NALF1: variants seen among roughly 807,000 people sequenced by gnomAD.
NALF1 encodes the protein family with sequence similarity 155 member A.
NALF1 carries 3 observed loss-of-function variants against 48.4 expected under a neutral mutation model. That is an observed-to-expected ratio of 0.06 (90% CI 0.03 to 0.16). NALF1 has a LOEUF of 0.16. Among genes scored for constraint, NALF1 ranks in the 10% least tolerant of loss-of-function variants. NALF1 has a pLI of 1.00. For missense variants in NALF1, 526 were observed against 571.5 expected (o/e 0.92, Z 0.81); for synonymous variants, 262 against 245.7 (o/e 1.07, Z -0.62).
At chr13:107,282,024 T>G (rs973718009) in intron 1 of NALF1, among the ~76,000 whole-genome samples, 4 of 152,166 alleles carry the variant, frequency 2.6e-5, no homozygotes, top group Admixed American at 1.3e-4. Context: ...CACCATATCA[T>G]TGACCCAGAA....
chr13:107,589,962 A>G (rs1878561434), intron 1 of NALF1, among the ~76,000 whole-genome samples: 1 of 151,958 alleles, frequency 6.6e-6, no homozygotes, highest in South Asian at 2.1e-4. Context: ...TCTATTACGA[A>G]TAGATTACTA....
intron 1 of NALF1, among the ~76,000 whole-genome samples, chr13:107,390,115 A>G (rs1326126221): frequency 6.6e-6 from 1 of 152,134 alleles, no homozygotes; most frequent in Admixed American, 6.6e-5. Context: ...CACACCTGTA[A>G]TCCCAACAAT....
At position 107,592,359 on chromosome 13, in the gene NALF1, G is replaced by A. The variant is rs185692785; in HGVS notation, c.915+273323C>T. Among the ~76,000 whole-genome samples, 20 of 151,966 alleles carry A rather than the reference G, an allele frequency of 1.3e-4. No individual in the cohort carries two copies. In the East Asian group the frequency reaches 3.7e-3, roughly 28 times the overall value. ...CAATTAAACATTGCATAGATCTGTA[G>A]CTTATTCTAGCAAGAGGAAGAATTC... On this transcript the variant is annotated intron_variant, in intron 1 of 2. Transcript: ENST00000375915.
intron 1 of NALF1, among the ~76,000 whole-genome samples, chr13:107,716,768 T>C: frequency 6.6e-6 from 1 of 152,142 alleles, no homozygotes; most frequent in Non-Finnish European, 1.5e-5. Context: ...GTCATAAATG[T>C]TGAATTTGGT....
chr13:107,364,643 G>A (rs1028302336), intron 1 of NALF1, among the ~76,000 whole-genome samples: 14 of 152,106 alleles, frequency 9.2e-5, no homozygotes, highest in Non-Finnish European at 1.5e-5. Flanking sequence ...ATAGAACAAA[G>A]AAATAAGTGA....
At position 107,836,679 on chromosome 13, in the gene NALF1, T is replaced by A. The variant is rs187789356; in HGVS notation, c.915+29003A>T. ...TATGAAGGGTACTTAACAGTATTTT[T>A]CTAGCTATGAAAGTCCTCGCCTGAT... On this transcript the variant is annotated intron_variant, in intron 1 of 2. Transcript: ENST00000375915. Among the ~76,000 whole-genome samples the A allele has an allele frequency of 4.6e-4, 70 of 152,332 alleles. No individual in the cohort carries two copies. In the Middle Eastern group the frequency reaches 0.02, roughly 44 times the overall value.
At chr13:107,854,270 C>T (rs1182795806) in intron 1 of NALF1, among the ~76,000 whole-genome samples, 1 of 152,212 alleles carries the variant, frequency 6.6e-6, no homozygotes, top group Non-Finnish European at 1.5e-5. Flanking sequence ...CCATACTTGG[C>T]CAAACCTCCA....
chr13:107,528,494 A>C (rs1876517615), intron 1 of NALF1, among the ~76,000 whole-genome samples: 1 of 152,122 alleles, frequency 6.6e-6, no homozygotes, highest in Non-Finnish European at 1.5e-5. Flanking sequence ...TTTTTACATT[A>C]TGAAATTATT....
chr13:107,249,370 C>T (rs535415565), intron 1 of NALF1, among the ~76,000 whole-genome samples: 1 of 152,036 alleles, frequency 6.6e-6, no homozygotes, highest in East Asian at 1.9e-4. Context: ...ACAAAAACAA[C>T]ATTATCTCAA....
chr13:107,708,477 G>T (rs1875468649), intron 1 of NALF1, among the ~76,000 whole-genome samples: 1 of 148,742 alleles, frequency 6.7e-6, no homozygotes, highest in South Asian at 2.2e-4. Context: ...TAAATATCTG[G>T]GGTAGGACTA....
intron 1 of NALF1, among the ~76,000 whole-genome samples, chr13:107,540,384 T>A (rs926159001): frequency 6.6e-6 from 1 of 151,868 alleles, no homozygotes; most frequent in Non-Finnish European, 1.5e-5. Flanking sequence ...AGCAGTTTTT[T>A]AATATACTTA....
At chr13:107,687,266 A>C (rs950168987) in intron 1 of NALF1, among the ~76,000 whole-genome samples, 1 of 152,078 alleles carries the variant, frequency 6.6e-6, no homozygotes, top group Non-Finnish European at 1.5e-5. Context: ...ATGGACATAA[A>C]GATGGAAACA....
intron 1 of NALF1, among the ~76,000 whole-genome samples, chr13:107,581,187 C>T (rs1053898179): frequency 9.9e-5 from 15 of 152,064 alleles, no homozygotes; most frequent in South Asian, 2.1e-4. Flanking sequence ...TGTTTCAAGA[C>T]GGTATTTGTC....
chr13:107,570,480 TG>T (rs1197781825), intron 1 of NALF1, among the ~76,000 whole-genome samples: 6 of 151,934 alleles, frequency 3.9e-5, no homozygotes, highest in Non-Finnish European at 7.4e-5. Flanking sequence ...TTTGATACGA[TG>T]GATTAGATTG....
chr13:107,690,753 T>C (rs1177021293), intron 1 of NALF1, among the ~76,000 whole-genome samples: 1 of 152,214 alleles, frequency 6.6e-6, no homozygotes, highest in Non-Finnish European at 1.5e-5. Context: ...GATCGAATGA[T>C]GCATTGAGGA....
At chr13:107,401,322 C>A in intron 1 of NALF1, among the ~76,000 whole-genome samples, 1 of 152,140 alleles carries the variant, frequency 6.6e-6, no homozygotes, top group Non-Finnish European at 1.5e-5. Context: ...TGGTTTCAGG[C>A]ATCCCTAGGA....
chr13:107,444,416 G>T (rs1218947673), intron 1 of NALF1, among the ~76,000 whole-genome samples: 3 of 152,082 alleles, frequency 2.0e-5, no homozygotes, highest in Non-Finnish European at 4.4e-5. Flanking sequence ...CTTTTCTATA[G>T]GGAAGGGGAG....
At chr13:107,835,773 G>A (rs549281858) in intron 1 of NALF1, among the ~76,000 whole-genome samples, 51 of 152,286 alleles carry the variant, frequency 3.3e-4, no homozygotes, top group Non-Finnish European at 6.8e-4. Context: ...CTTACTCTGT[G>A]CCAGGCTGGG....
At chr13:107,783,514 A>G (rs2138580855) in intron 1 of NALF1, among the ~76,000 whole-genome samples, 2 of 152,296 alleles carry the variant, frequency 1.3e-5, no homozygotes, top group East Asian at 3.9e-4. Context: ...TTTGTTCTGT[A>G]CTAAGAAAAA....
Sources: gnomAD v4.1 joint callset for allele counts (sites outside exome capture counted in the v4.1 genomes callset) on GRCh38, gnomAD v4.1.1 for gene constraint, MANE v1.5 for transcripts, NCBI Gene and HGNC (gene_info 2026-07-23, HGNC 2026-07-21) for gene names.